The following SLIT2 variants were observed in gnomAD, a reference collection of about 807,000 sequenced individuals.
SLIT2 encodes slit homolog 2 protein.
SLIT2 carries 41 observed loss-of-function variants against 185.7 expected under a neutral mutation model. That is an observed-to-expected ratio of 0.22 (90% confidence interval 0.17 to 0.29). The LOEUF (loss-of-function observed/expected upper bound fraction) is 0.29, where lower values mean the gene tolerates loss of function less well. Ranked by LOEUF, SLIT2 falls within the 10% of genes least tolerant of loss-of-function variation. The probability of loss-of-function intolerance (pLI) is 1.00; values close to 1 mark genes in which losing one functional copy is unlikely to be tolerated. For synonymous variants in SLIT2, 693 were observed against 680.2 expected (o/e 1.02, Z -0.29); for missense variants, 1,571 against 1,909.0 (o/e 0.82, Z 3.30).
intron 5 of SLIT2, among the ~76,000 whole-genome samples, chr4:20,472,629 T>TATATATATCG (rs1715662576): frequency 1.9e-4 from 3 of 15,758 alleles, no homozygotes; most frequent in African/African-American, 4.6e-4. Flanking sequence ...TCGATATATC[T>TATATATATCG]ATATATATCG....
intron 4 of SLIT2, among the ~76,000 whole-genome samples, chr4:20,274,836 C>T (rs1003838295): frequency 1.2e-4 from 18 of 151,834 alleles, no homozygotes; most frequent in African/African-American, 3.6e-4. Context: ...TATGGACTGC[C>T]AACTTGAATT....
intron 4 of SLIT2, among the ~76,000 whole-genome samples, chr4:20,389,195 T>C (rs927126523): frequency 2.0e-5 from 3 of 151,556 alleles, no homozygotes; most frequent in African/African-American, 7.3e-5. Context: ...ATTAGAGATA[T>C]TATCATCACT....
At chr4:20,599,238 C>T (rs931296108) in intron 33 of SLIT2, among the ~76,000 whole-genome samples, 18 of 152,082 alleles carry the variant, frequency 1.2e-4, no homozygotes, top group Non-Finnish European at 7.4e-5. Context: ...GGGTGGTATT[C>T]GTGGGGTATA....
intron 4 of SLIT2, among the ~76,000 whole-genome samples, chr4:20,403,556 G>A (rs1037500410): frequency 2.0e-5 from 3 of 151,950 alleles, no homozygotes; most frequent in Non-Finnish European, 4.4e-5. Flanking sequence ...TCCCATTGGG[G>A]AAATTGAATT....
At chr4:20,433,068 C>A (rs562114541) in intron 4 of SLIT2, among the ~76,000 whole-genome samples, 13 of 151,600 alleles carry the variant, frequency 8.6e-5, no homozygotes, top group Non-Finnish European at 1.8e-4. Context: ...CAAAGGAATG[C>A]TAGAAAAAAA....
At chr4:20,458,655 C>CT (rs1713357695) in intron 4 of SLIT2, among the ~76,000 whole-genome samples, 1 of 152,170 alleles carries the variant, frequency 6.6e-6, no homozygotes, top group Non-Finnish European at 1.5e-5. Context: ...AGCCAGACCT[C>CT]TATAGAAGCT....
chr4:20,584,738 A>G (rs1726905481), intron 29 of SLIT2, among the ~76,000 whole-genome samples: 1 of 152,198 alleles, frequency 6.6e-6, no homozygotes. Context: ...TGTCCCATAT[A>G]TAACCGACAG....
chr4:20,557,243 C>T (rs902740927), intron 26 of SLIT2, among the ~76,000 whole-genome samples: 4 of 152,024 alleles, frequency 2.6e-5, no homozygotes, highest in Non-Finnish European at 5.9e-5. Context: ...GTAGATGAAA[C>T]AGACTTTATT....
chr4:20,396,607 G>A (rs1479342582), intron 4 of SLIT2, among the ~76,000 whole-genome samples: 1 of 151,550 alleles, frequency 6.6e-6, no homozygotes, highest in Non-Finnish European at 1.5e-5. Flanking sequence ...TTATACCCCA[G>A]GGAGAGGCAG....
rs535104603 is a variant in SLIT2, at chr4:20,565,966, A to G, written c.2726-1296A>G. ...AGGGTAAAGGATATGAAGAGATACA[A>G]TGAATCTCTGTGGCCACCATATTTA... On this transcript the variant is annotated intron_variant, in intron 26 of 36. Coordinates refer to ENST00000504154, the MANE Select transcript of SLIT2 (RefSeq NM_004787.4). Among the ~76,000 whole-genome samples the G allele has an allele frequency of 2.6e-5, 4 of 152,134 alleles. No individual in the cohort carries two copies. The South Asian group carries it at 8.3e-4, about 32-fold the overall frequency.
At chr4:20,616,148 A>C in intron 34 of SLIT2, 1 of 152,356 alleles carries the variant, frequency 6.6e-6, no homozygotes, top group East Asian at 1.9e-4. Context: ...AATTAGCAAG[A>C]AAGAAAAAAT....
chr4:20,523,963 C>T (rs770324030), intron 13 of SLIT2, 51 bp from the exon 14 acceptor site: 3 of 1,611,070 alleles, frequency 1.9e-6, no homozygotes, highest in Admixed American at 1.7e-5. Flanking sequence ...AATGTAAGAG[C>T]TGAGTCCATT....
At chr4:20,271,532 C>G (rs1713613363) in intron 4 of SLIT2, among the ~76,000 whole-genome samples, 1 of 146,446 alleles carries the variant, frequency 6.8e-6, no homozygotes, top group Non-Finnish European at 1.5e-5. Flanking sequence ...CCCCTACTGT[C>G]TAATGCAGTA....
intron 4 of SLIT2, among the ~76,000 whole-genome samples, chr4:20,354,804 TATG>T (rs1033438741): frequency 4.0e-5 from 6 of 151,706 alleles, no homozygotes; most frequent in African/African-American, 1.2e-4. Context: ...TCTGCTGCAA[TATG>T]ATAACAGAAT....
At chr4:20,378,947 G>T (rs1261767606) in intron 4 of SLIT2, among the ~76,000 whole-genome samples, 1 of 152,108 alleles carries the variant, frequency 6.6e-6, no homozygotes, top group Admixed American at 6.6e-5. Context: ...GACATGGAGG[G>T]ACCTTAAATG....
At chr4:20,467,652 TTTTTC>T (rs1219559086) in intron 4 of SLIT2, 95 bp from the exon 5 acceptor site, 4 of 635,238 alleles carry the variant, frequency 6.3e-6, no homozygotes, top group African/African-American at 5.7e-5. Flanking sequence ...AGGGTTTTCT[TTTTTC>T]TTTCTGGTGT....
intron 26 of SLIT2, among the ~76,000 whole-genome samples, chr4:20,561,029 C>T (rs1195425446): frequency 6.6e-6 from 1 of 151,624 alleles, no homozygotes; most frequent in East Asian, 1.9e-4. Context: ...ATATCTATAC[C>T]AGATGACTAT....
intron 4 of SLIT2, among the ~76,000 whole-genome samples, chr4:20,460,499 C>G (rs1350580819): frequency 6.6e-6 from 1 of 152,176 alleles, no homozygotes; most frequent in Non-Finnish European, 1.5e-5. Context: ...AATCCACTCT[C>G]TTAGCGTTTG....
chr4:20,528,275 G>A lies in SLIT2; in HGVS notation c.1463-674G>A, dbSNP rs758965084. The A allele has an allele frequency of 5.6e-6, 3 of 534,694 alleles. No individual in the cohort carries two copies. Among genetic ancestry groups the A allele is most frequent in the Admixed American group, 1.9e-5 (1 of 51,596 alleles). 33.1% of individuals were successfully genotyped at this position (534,694 alleles called of 1,614,324 possible). On this transcript the variant is annotated intron_variant, in intron 15 of 36. Transcript: ENST00000504154. This position sits in a 1 kb window ranked among gnomAD's most constrained non-coding sequence, Gnocchi z 4.2. ...TACCTTTGGCCTAGTGGTTGGTGTAGTGATAATGTAGCGAGATTTTCTGTT... is the reference window on the plus strand; with the variant it reads ...TACCTTTGGCCTAGTGGTTGGTGTAATGATAATGTAGCGAGATTTTCTGTT...
Sources: allele counts gnomAD v4.1 joint callset (sites outside exome capture counted in the v4.1 genomes callset), GRCh38; gene constraint gnomAD v4.1.1; non-coding constraint Gnocchi (gnomAD v3.1); transcripts MANE v1.5; gene names NCBI Gene and HGNC (gene_info 2026-07-23, HGNC 2026-07-21).